ADGRL3: variants seen among roughly 807,000 people sequenced by gnomAD.
The protein encoded by ADGRL3 is adhesion G protein-coupled receptor L3, also known as calcium-independent alpha-latrotoxin receptor 3.
In ADGRL3, 62 loss-of-function variants were observed where a neutral mutation model predicts 153.5. The observed-to-expected ratio is 0.40, with a 90% CI of 0.33 to 0.50. ADGRL3 has a LOEUF of 0.50. Ranked by LOEUF, ADGRL3 falls within the 20% of genes least tolerant of loss-of-function variation. ADGRL3 has a pLI of 0.47. For synonymous variants in ADGRL3, 710 were observed against 672.5 expected, an observed-to-expected ratio of 1.06 and a Z score of -0.86; for missense variants, 1,641 against 1,859.4, an observed-to-expected ratio of 0.88 and a Z score of 2.16.
chr4:61,565,727 G>A (rs1271694089), intron 4 of ADGRL3, among the ~76,000 whole-genome samples: 1 of 151,694 alleles, frequency 6.6e-6, no homozygotes, highest in African/African-American at 2.4e-5. Context: ...TAGTAGAGAT[G>A]GGATTTCGCC....
At chr4:61,595,625 G>T (rs1370296150) in intron 5 of ADGRL3, among the ~76,000 whole-genome samples, 1 of 152,160 alleles carries the variant, frequency 6.6e-6, no homozygotes, top group Non-Finnish European at 1.5e-5. Flanking sequence ...ACTGCCTGGG[G>T]TTAGAGGAGT....
At chr4:61,872,447 ATTGT>A (rs2098451288) in intron 9 of ADGRL3, among the ~76,000 whole-genome samples, 4 of 145,634 alleles carry the variant, frequency 2.7e-5, no homozygotes, top group South Asian at 2.2e-4. Flanking sequence ...GGTCTCTGAA[ATTGT>A]TTGTTTTTTT....
chr4:61,731,056 G>A (rs2096433067), intron 7 of ADGRL3, among the ~76,000 whole-genome samples: 1 of 151,860 alleles, frequency 6.6e-6, no homozygotes, highest in Non-Finnish European at 1.5e-5. Context: ...TAGTCATCAA[G>A]GATGGTTATT....
intron 8 of ADGRL3, chr4:61,775,906 T>A (rs1364541590): frequency 2.5e-5 from 6 of 242,236 alleles, no homozygotes; most frequent in Non-Finnish European, 3.8e-5. Context: ...TTTATTTATT[T>A]ATTTATTTTT....
At chr4:61,893,171 A>G (rs2098602283) in intron 10 of ADGRL3, among the ~76,000 whole-genome samples, 1 of 120,066 alleles carries the variant, frequency 8.3e-6, no homozygotes, top group Non-Finnish European at 1.7e-5. Flanking sequence ...CTTTTTTTTC[A>G]TTACAACATA....
chr4:61,778,476 G>C (rs1022911834), intron 8 of ADGRL3, among the ~76,000 whole-genome samples: 1 of 152,168 alleles, frequency 6.6e-6, no homozygotes, highest in Non-Finnish European at 1.5e-5. Context: ...TTGAATAAAA[G>C]AAGAGTCAAC....
chr4:62,031,042 A>G (rs1341487114), intron 22 of ADGRL3, among the ~76,000 whole-genome samples: 1 of 151,610 alleles, frequency 6.6e-6, no homozygotes. Context: ...AATGTATCAG[A>G]AGAAGCACTA....
intron 2 of ADGRL3, among the ~76,000 whole-genome samples, chr4:61,454,819 GA>G (rs2097715765): frequency 6.6e-6 from 1 of 152,082 alleles, no homozygotes; most frequent in South Asian, 2.1e-4. Context: ...ATGGAAGATA[GA>G]TTTTTTTTCC....
At chr4:61,949,028 A>C (rs1011559196) in intron 17 of ADGRL3, among the ~76,000 whole-genome samples, 2 of 152,016 alleles carry the variant, frequency 1.3e-5, no homozygotes, top group African/African-American at 4.8e-5. Context: ...AAAAAAAAAA[A>C]AAACACTAAG....
chr4:61,829,035 G>T (rs2097842655), intron 9 of ADGRL3, among the ~76,000 whole-genome samples: 1 of 152,166 alleles, frequency 6.6e-6, no homozygotes, highest in African/African-American at 2.4e-5. Context: ...CCAGACTTAA[G>T]ACAAGCTGCT....
At chr4:61,761,177 T>C (rs1251079870) in intron 8 of ADGRL3, among the ~76,000 whole-genome samples, 1 of 152,212 alleles carries the variant, frequency 6.6e-6, no homozygotes, top group Non-Finnish European at 1.5e-5. Flanking sequence ...CAGAATCTTG[T>C]AGACTCCAGC....
At chr4:61,778,007 G>T (rs1439395416) in intron 8 of ADGRL3, among the ~76,000 whole-genome samples, 1 of 152,038 alleles carries the variant, frequency 6.6e-6, no homozygotes, top group Non-Finnish European at 1.5e-5. Flanking sequence ...AATCTGAAAT[G>T]CTCCAAAATC....
rs1385624138 is a variant in ADGRL3 at position 61,220,520 on chromosome 4, A to C, written c.-240+18755A>C. Reference sequence around the variant, plus strand: ...AGAATTAAATTCAGTCATGTAATCTAATACACGGGCAGAAGGTTTAGTCAT... The same window carrying C: ...AGAATTAAATTCAGTCATGTAATCTCATACACGGGCAGAAGGTTTAGTCAT... On this transcript the variant is annotated intron_variant, in intron 1 of 26. Coordinates refer to ENST00000683033, the MANE Select transcript of ADGRL3 (RefSeq NM_001387552.1). 2.0e-5 allele frequency among the ~76,000 whole-genome samples: 3 copies of C among 152,328 alleles called. No individual in the cohort carries two copies. In the South Asian group the frequency reaches 6.2e-4, roughly 32 times the overall value.
At chr4:61,739,584 C>G (rs1259367026) in intron 8 of ADGRL3, among the ~76,000 whole-genome samples, 1 of 152,144 alleles carries the variant, frequency 6.6e-6, no homozygotes, top group Non-Finnish European at 1.5e-5. Context: ...TTTTTTAAAT[C>G]TGCTTTTTCA....
At chr4:61,312,642 T>G (rs2150557594) in intron 1 of ADGRL3, among the ~76,000 whole-genome samples, 1 of 152,254 alleles carries the variant, frequency 6.6e-6, no homozygotes, top group Non-Finnish European at 1.5e-5. Context: ...ATACTTAACA[T>G]TATATGACAT....
At chr4:61,286,351 A>G (rs1054160269) in intron 1 of ADGRL3, among the ~76,000 whole-genome samples, 1 of 149,890 alleles carries the variant, frequency 6.7e-6, no homozygotes, top group African/African-American at 2.4e-5. Flanking sequence ...CTTGTTTAGT[A>G]TCTTTTTCAG....
At chr4:61,748,230 C>T (rs144730529) in intron 8 of ADGRL3, among the ~76,000 whole-genome samples, 13,130 of 152,074 alleles carry the variant, frequency 0.086, 1,190 homozygotes, top group African/African-American at 0.23. Context: ...AATGGAAGAA[C>T]ATTCCATGCT....
chr4:62,029,680 T>G (rs1277725875), intron 22 of ADGRL3, among the ~76,000 whole-genome samples: 1 of 149,260 alleles, frequency 6.7e-6, no homozygotes, highest in East Asian at 2.0e-4. Context: ...CACTTCTTCA[T>G]GCTTCTGCTT....
intron 4 of ADGRL3, among the ~76,000 whole-genome samples, chr4:61,576,689 G>A (rs2098886397): frequency 6.6e-6 from 1 of 150,902 alleles, no homozygotes; most frequent in Non-Finnish European, 1.5e-5. Context: ...ATTTTTGTAA[G>A]CAGCATAGTC....
Sources: gnomAD v4.1 joint callset for allele counts (sites outside exome capture counted in the v4.1 genomes callset) on GRCh38, gnomAD v4.1.1 for gene constraint, MANE v1.5 for transcripts, NCBI Gene and HGNC (gene_info 2026-07-23, HGNC 2026-07-21) for gene names.